Variants in IPPK observed in about 807,000 individuals in gnomAD.
IPPK encodes IPK1 homolog.
IPPK carries 22 observed loss-of-function variants against 64.6 expected under a neutral mutation model. The observed-to-expected ratio is 0.34, with a 90% CI of 0.24 to 0.49. The LOEUF is 0.49. Among genes scored for constraint, IPPK ranks in the 20% least tolerant of loss-of-function variants. The pLI, the probability that IPPK is intolerant of heterozygous loss-of-function variation, is 0.99. For synonymous variants in IPPK, 262 were observed against 247.2 expected (o/e 1.06, Z -0.56); for missense variants, 532 against 630.7 (o/e 0.84, Z 1.68).
At chr9:92,663,091 G>GA (rs946622931) in intron 1 of IPPK, among the ~76,000 whole-genome samples, 8 of 151,894 alleles carry the variant, frequency 5.3e-5, no homozygotes, top group Admixed American at 2.0e-4. Flanking sequence ...AAAATTAAGT[G>GA]AAAAAAAATC....
intron 4 of IPPK, among the ~76,000 whole-genome samples, chr9:92,650,339 A>G (rs550989904): frequency 6.6e-6 from 1 of 151,938 alleles, no homozygotes; most frequent in East Asian, 1.9e-4. Flanking sequence ...AAAAAAAAAC[A>G]AAAACAAAAA....
At chr9:92,632,472 G>A (rs1851863136) in intron 11 of IPPK, among the ~76,000 whole-genome samples, 1 of 152,136 alleles carries the variant, frequency 6.6e-6, no homozygotes, top group South Asian at 2.1e-4. Context: ...AAAGATTAAA[G>A]TAAAATTAAA....
intron 6 of IPPK, 55 bp downstream of exon 6, chr9:92,648,004 G>T: frequency 8.0e-7 from 1 of 1,249,640 alleles, no homozygotes; most frequent in Non-Finnish European, 1.2e-6. Context: ...CCATGCCTCA[G>T]CCCAGATCCC....
Position 92,613,455 on chromosome 9 carries a change from C to A in IPPK, c.*2377G>T. 3.1e-6 allele frequency: 1 copy of A among 319,144 alleles called. No individual in the cohort carries two copies. The highest frequency in any genetic ancestry group is 6.1e-6 in the Non-Finnish European group (1 of 164,684). The allele number at this position is 319,144 out of a possible 1,614,324, so 19.8% of individuals were successfully genotyped here. On this transcript the variant is annotated 3_prime_UTR_variant, in exon 13 of 13. Coordinates refer to ENST00000287996, the MANE Select transcript of IPPK (RefSeq NM_022755.6). ...GGGAGGATCCATCCCCCACCCACTG[C>A]AGCCTCACACCGAGTCCACCTTGGA...
intron 11 of IPPK, among the ~76,000 whole-genome samples, chr9:92,624,294 A>G (rs550123790): frequency 4.9e-4 from 75 of 152,280 alleles, no homozygotes; most frequent in Admixed American, 1.0e-3. Context: ...CCTGGCCAAC[A>G]TGGTGAAACC....
chr9:92,637,172 T>C (rs567133071), intron 9 of IPPK, among the ~76,000 whole-genome samples: 2 of 151,954 alleles, frequency 1.3e-5, no homozygotes, highest in African/African-American at 4.8e-5. Context: ...ATACAAAAAT[T>C]AGGTGTAACG....
intron 11 of IPPK, among the ~76,000 whole-genome samples, chr9:92,624,943 G>A (rs1026009209): frequency 2.6e-5 from 4 of 151,662 alleles, no homozygotes; most frequent in African/African-American, 9.7e-5. Context: ...AATATATACA[G>A]CATGATCTCG....
intron 2 of IPPK, among the ~76,000 whole-genome samples, chr9:92,657,955 T>A (rs556823447): frequency 2.0e-5 from 3 of 151,982 alleles, no homozygotes; most frequent in African/African-American, 7.2e-5. Flanking sequence ...CTCCGCCTGC[T>A]CCCACAGTGG....
At chr9:92,663,726 G>C (rs1250357867) in intron 1 of IPPK, among the ~76,000 whole-genome samples, 2 of 152,222 alleles carry the variant, frequency 1.3e-5, no homozygotes, top group Non-Finnish European at 2.9e-5. Flanking sequence ...GGACAGATGA[G>C]GAGAGACTTT....
chr9:92,634,292 T>A, intron 11 of IPPK, 94 bp downstream of exon 11: 1 of 791,646 alleles, frequency 1.3e-6, no homozygotes, highest in Non-Finnish European at 2.1e-6. Flanking sequence ...ACCTCAGGGG[T>A]AGGTAATGGA....
At chr9:92,664,502 A>G (rs1852553561) in intron 1 of IPPK, among the ~76,000 whole-genome samples, 1 of 152,130 alleles carries the variant, frequency 6.6e-6, no homozygotes, top group Non-Finnish European at 1.5e-5. Flanking sequence ...TGTCCTCTGC[A>G]GGACTGAAGC....
intron 9 of IPPK, among the ~76,000 whole-genome samples, chr9:92,637,527 T>A (rs950098706): frequency 3.3e-5 from 5 of 152,054 alleles, no homozygotes; most frequent in African/African-American, 1.2e-4. Context: ...AAGGAAGGCG[T>A]CCCGCAGTCC....
At chr9:92,634,591 A>AT in intron 10 of IPPK, 103 bp from the exon 11 acceptor site, 1 of 793,870 alleles carries the variant, frequency 1.3e-6, no homozygotes, top group Non-Finnish European at 2.2e-6. Flanking sequence ...AACATCACAC[A>AT]TTTTGTTTTG....
Position 92,615,398 on chromosome 9 carries a change from C to A in IPPK, c.*434G>T. ...CATGTAACTCAGCTGGGGGAAGTTC[C>A]AGTAGTATCCATGTTTTCTTAAAAG... On this transcript the variant is annotated 3_prime_UTR_variant, in exon 13 of 13. Transcript: ENST00000287996. 5.6e-6 allele frequency: 1 copy of A among 179,066 alleles called. No individual in the cohort carries two copies. The highest frequency in any genetic ancestry group is 5.6e-5 in the Admixed American group (1 of 17,758). 11.1% of individuals were successfully genotyped at this position (179,066 alleles called of 1,614,324 possible). A position where few individuals can be genotyped will look rare whatever the true frequency, so the allele number is the denominator to read the frequency against.
intron 8 of IPPK, among the ~76,000 whole-genome samples, chr9:92,639,860 A>C (rs1176512877): frequency 6.6e-6 from 1 of 152,034 alleles, no homozygotes; most frequent in Non-Finnish European, 1.5e-5. Context: ...ATGGGTTTCT[A>C]ACCAAGACCT....
In IPPK at chr9:92,658,801, A is replaced by C. The variant is rs921029655; in HGVS notation, c.82-120T>G. 6.7e-6 allele frequency: 6 copies of C among 898,970 alleles called. No homozygotes were observed. The Admixed American group carries it at 1.3e-4, about 20-fold the overall frequency. 55.7% of individuals were successfully genotyped at this position (898,970 alleles called of 1,614,324 possible). A position where few individuals can be genotyped will look rare whatever the true frequency, so the allele number is the denominator to read the frequency against. ...TCCACAGTGAAGCTCCACAGCAAGG[A>C]GGCTGGGAAGCCCCCAGGGCAGGGA... is the stretch of plus-strand genomic sequence containing the variant. On this transcript the variant is annotated intron_variant, in intron 1 of 12. Transcript: ENST00000287996.
chr9:92,642,598 C>G (rs1309061213), intron 7 of IPPK, among the ~76,000 whole-genome samples, 154 bp downstream of exon 7: 1 of 152,222 alleles, frequency 6.6e-6, no homozygotes, highest in Non-Finnish European at 1.5e-5. Context: ...CCCCAGGTGT[C>G]TACAGCGCTG....
At chr9:92,661,363 G>A (rs1312107111) in intron 1 of IPPK, among the ~76,000 whole-genome samples, 7 of 152,234 alleles carry the variant, frequency 4.6e-5, no homozygotes, top group Non-Finnish European at 7.3e-5. Context: ...GGTTCTCAGC[G>A]TCTTTCTGGT....
At chr9:92,661,207 C>A (rs577674410) in intron 1 of IPPK, among the ~76,000 whole-genome samples, 1 of 152,342 alleles carries the variant, frequency 6.6e-6, no homozygotes, top group East Asian at 1.9e-4. Flanking sequence ...AAGGGCAGAT[C>A]AGGTCTCAGA....
Sources: gnomAD v4.1 joint callset for allele counts (sites outside exome capture counted in the v4.1 genomes callset) on GRCh38, gnomAD v4.1.1 for gene constraint, MANE v1.5 for transcripts, NCBI Gene and HGNC (gene_info 2026-07-23, HGNC 2026-07-21) for gene names.